MYLK4: variants seen among roughly 807,000 people sequenced by gnomAD.
MYLK4 encodes the protein myosin light chain kinase family member 4, also known as caMLCK like.
MYLK4 carries 46 observed loss-of-function variants against 48.1 expected under a neutral mutation model. The ratio of observed to expected loss-of-function variants is 0.96; its 90% CI spans 0.75 to 1.22. The LOEUF is 1.22. MYLK4 is among the 50% of genes most tolerant of loss of function. The pLI, the probability that MYLK4 is intolerant of heterozygous loss-of-function variation, is 0.00. For synonymous variants in MYLK4, 170 were observed against 180.8 expected, an observed-to-expected ratio of 0.94 and a Z score of 0.48; for missense variants, 451 against 486.1, an observed-to-expected ratio of 0.93 and a Z score of 0.68.
chr6:2,670,389 A>AAACAAACAAACC lies in MYLK4; in HGVS notation c.*25+886_*25+887insGGTTTGTTTGTT, dbSNP rs1432174357. Among the ~76,000 whole-genome samples the AAACAAACAAACC allele has an allele frequency of 3.9e-5, 6 of 152,030 alleles. No homozygotes were observed. The East Asian group carries it at 1.2e-3, about 29-fold the overall frequency. On this transcript the variant is annotated intron_variant, in intron 12 of 12. Coordinates refer to ENST00000274643, the MANE Select transcript of MYLK4 (RefSeq NM_001012418.5). ...TCAAAAAACAAACAAACAAACAAAC[A>AAACAAACAAACC]AACAACAGTGAGCAGCAAGAACTCA...
intron 2 of MYLK4, among the ~76,000 whole-genome samples, chr6:2,721,841 A>G (rs933241936): frequency 2.6e-5 from 4 of 152,238 alleles, no homozygotes; most frequent in African/African-American, 9.6e-5. Flanking sequence ...ACTTGTTTGG[A>G]CTTCTCAACA....
the MYLK4 span, chr6:2,766,061 G>T: frequency 7.7e-7 from 1 of 1,293,932 alleles, no homozygotes; most frequent in Non-Finnish European, 9.8e-7. Context: ...GGCGGCCGCC[G>T]CCGCGGCGGG....
intron 2 of MYLK4, among the ~76,000 whole-genome samples, chr6:2,740,038 GTT>G (rs1763838409): frequency 6.6e-6 from 1 of 152,326 alleles, no homozygotes; most frequent in East Asian, 1.9e-4. Context: ...GAAGCACGAA[GTT>G]GGGTATAGCA....
intron 2 of MYLK4, among the ~76,000 whole-genome samples, chr6:2,703,662 A>ATTATTTT (rs759946900): frequency 1.6e-5 from 1 of 62,172 alleles, no homozygotes; most frequent in African/African-American, 6.6e-5. Flanking sequence ...CCCTTTGTGA[A>ATTATTTT]TTCTTTTTTT....
At chr6:2,725,306 A>G in intron 2 of MYLK4, among the ~76,000 whole-genome samples, 1 of 152,126 alleles carries the variant, frequency 6.6e-6, no homozygotes, top group Non-Finnish European at 1.5e-5. Flanking sequence ...AAAAGAATTA[A>G]AACAATTATC....
At chr6:2,670,873 C>T (rs1760861550) in intron 12 of MYLK4, among the ~76,000 whole-genome samples, 1 of 152,112 alleles carries the variant, frequency 6.6e-6, no homozygotes. Context: ...GACTCTGAGA[C>T]TCAATTTCCC....
chr6:2,765,817 G>C, the MYLK4 span: 1 of 1,353,504 alleles, frequency 7.4e-7, no homozygotes, highest in Non-Finnish European at 9.5e-7. Flanking sequence ...AGGGGCCCTC[G>C]CCGCCCGGCG....
intron 2 of MYLK4, among the ~76,000 whole-genome samples, chr6:2,743,521 C>G (rs1322595105): frequency 6.6e-6 from 1 of 152,222 alleles, no homozygotes; most frequent in Admixed American, 6.5e-5. Context: ...CTGATCACTG[C>G]AGGTGCTGTG....
chr6:2,729,836 T>C (rs956914235), intron 2 of MYLK4, among the ~76,000 whole-genome samples: 2 of 152,134 alleles, frequency 1.3e-5, no homozygotes, highest in African/African-American at 2.4e-5. Context: ...TCTTTTTTCA[T>C]TTATATAAGC....
chr6:2,671,465 A>G, intron 11 of MYLK4, 117 bp from the exon 12 acceptor site: 1 of 911,566 alleles, frequency 1.1e-6, no homozygotes, highest in Non-Finnish European at 1.7e-6. Flanking sequence ...TCTTCAAGAG[A>G]AGTTCTTGAA....
rs971782220 is a variant in MYLK4 at position 2,675,192 on chromosome 6, C to G, written c.1041-67G>C. 18 of 1,173,756 alleles carry G rather than the reference C, an allele frequency of 1.5e-5. No individual in the cohort carries two copies. In the African/African-American group the frequency reaches 2.7e-4, roughly 18 times the overall value. The allele number at this position is 1,173,756 out of a possible 1,614,324, so 72.7% of individuals were successfully genotyped here. A position where few individuals can be genotyped will look rare whatever the true frequency, so the allele number is the denominator to read the frequency against. ...AGAAGGCCTGTATCTGCTGTTCAAT[C>G]TCAACTCCAGCTTCTGCCTTCGGGA... is the stretch of plus-strand genomic sequence containing the variant. On this transcript the variant is annotated intron_variant, in intron 10 of 12. Coordinates refer to ENST00000274643, the MANE Select transcript of MYLK4 (RefSeq NM_001012418.5).
chr6:2,724,220 C>T (rs1459317179), intron 2 of MYLK4, among the ~76,000 whole-genome samples: 1 of 152,170 alleles, frequency 6.6e-6, no homozygotes, highest in East Asian at 1.9e-4. Context: ...CTCCCTTACC[C>T]AGCATCTGCT....
chr6:2,751,676 C>A (rs77192708), upstream of MYLK4, among the ~76,000 whole-genome samples: 3,284 of 152,220 alleles, frequency 0.022, 128 homozygotes, highest in African/African-American at 0.075. Flanking sequence ...TTATTTGGAG[C>A]CTGTGTTAGC....
intron 10 of MYLK4, among the ~76,000 whole-genome samples, chr6:2,676,736 G>A (rs1217727169): frequency 6.6e-6 from 1 of 152,150 alleles, no homozygotes; most frequent in African/African-American, 2.4e-5. Flanking sequence ...AGCCCACTGG[G>A]CCCACCTCTG....
intron 2 of MYLK4, among the ~76,000 whole-genome samples, chr6:2,712,195 T>G (rs1762698410): frequency 6.6e-6 from 1 of 152,206 alleles, no homozygotes; most frequent in Non-Finnish European, 1.5e-5. Context: ...CCGGGGCTCA[T>G]GTTCAGCAGA....
chr6:2,744,423 AG>A (rs1180607326), intron 2 of MYLK4, among the ~76,000 whole-genome samples: 1 of 152,242 alleles, frequency 6.6e-6, no homozygotes, highest in Non-Finnish European at 1.5e-5. Flanking sequence ...CTGCCCTTAC[AG>A]GGTGAGGAGC....
intron 4 of MYLK4, among the ~76,000 whole-genome samples, chr6:2,688,195 A>G (rs1441870471): frequency 6.6e-6 from 1 of 151,892 alleles, no homozygotes; most frequent in Non-Finnish European, 1.5e-5. Context: ...AGTAGCTGGG[A>G]TTACAGGCAT....
At chr6:2,763,909 G>C in the MYLK4 span, among the ~76,000 whole-genome samples, 1 of 152,010 alleles carries the variant, frequency 6.6e-6, no homozygotes, top group Non-Finnish European at 1.5e-5. Flanking sequence ...CACTTTGGGA[G>C]ACCGAGGTGG....
intron 7 of MYLK4, among the ~76,000 whole-genome samples, chr6:2,680,840 T>A (rs950185439): frequency 1.4e-4 from 21 of 152,188 alleles, no homozygotes; most frequent in African/African-American, 5.1e-4. Context: ...CAGTCGTTCT[T>A]CAGTCTCAGC....
Sources: gnomAD v4.1 joint callset for allele counts (sites outside exome capture counted in the v4.1 genomes callset) on GRCh38, gnomAD v4.1.1 for gene constraint, MANE v1.5 for transcripts, NCBI Gene and HGNC (gene_info 2026-07-23, HGNC 2026-07-21) for gene names.